Variants in EPB41L4A observed in about 807,000 individuals in gnomAD.
The protein encoded by EPB41L4A is band 4.1-like protein 4A.
In EPB41L4A, 100 loss-of-function variants were observed where a neutral mutation model predicts 108.6. The observed-to-expected ratio is 0.92, with a 90% confidence interval of 0.78 to 1.09. The LOEUF (loss-of-function observed/expected upper bound fraction) is 1.09, where lower values mean the gene tolerates loss of function less well. EPB41L4A is among the 50% of genes least tolerant of loss of function. EPB41L4A has a pLI of 0.00. For synonymous variants in EPB41L4A, 319 were observed against 289.0 expected (o/e 1.10, Z -1.05); for missense variants, 1,030 against 842.7 (o/e 1.22, Z -2.75).
intron 1 of EPB41L4A, among the ~76,000 whole-genome samples, chr5:112,313,663 A>C (rs1244452134): frequency 1.3e-5 from 2 of 152,150 alleles, no homozygotes; most frequent in Non-Finnish European, 1.5e-5. Flanking sequence ...TCTTGAAAAG[A>C]AAAGGCAACC....
rs1223262564 is a variant in EPB41L4A, at chr5:112,259,275, A to C, written c.749T>G (p.Val250Gly). 2 of 1,613,916 alleles carry C rather than the reference A, an allele frequency of 1.2e-6. No individual in the cohort carries two copies. ...GKYFWPRITK[V>G]HFKETQFELR... is the part of the protein sequence containing the mutation. ...TTCAAATTGAGTCTCCTTGAAGTGA[A>C]CCTTTGTAATCCGAGGCCTAAAAAA... The change falls in exon 9 of 23, where the codon GTT becomes GGT. Residue 250 changes from valine to glycine, a missense_variant. By Grantham distance (109) the Val-to-Gly change is moderately radical (BLOSUM62 -3). Coordinates refer to ENST00000261486, the MANE Select transcript of EPB41L4A (RefSeq NM_022140.5).
chr5:112,270,901 A>G (rs988395864), intron 4 of EPB41L4A, among the ~76,000 whole-genome samples: 1 of 152,218 alleles, frequency 6.6e-6, no homozygotes, highest in Non-Finnish European at 1.5e-5. Flanking sequence ...TGAGACTCTA[A>G]AAAATATTAT....
At chr5:112,185,765 A>G (rs80140163) in intron 17 of EPB41L4A, among the ~76,000 whole-genome samples, 2,302 of 152,282 alleles carry the variant, frequency 0.015, 46 homozygotes, top group African/African-American at 0.049. Context: ...ATGAGAAGGT[A>G]TACTACTTGA....
chr5:112,334,377 G>A (rs1756785551), intron 1 of EPB41L4A, among the ~76,000 whole-genome samples: 1 of 152,184 alleles, frequency 6.6e-6, no homozygotes, highest in Non-Finnish European at 1.5e-5. Context: ...TTCTGATCCT[G>A]AAGAGATTAG....
At chr5:112,268,035 T>A (rs958399151) in intron 4 of EPB41L4A, among the ~76,000 whole-genome samples, 3 of 152,148 alleles carry the variant, frequency 2.0e-5, no homozygotes, top group Non-Finnish European at 2.9e-5. Context: ...GTGCTCCTCT[T>A]GGAAAGGAGA....
chr5:112,166,945 A>C (rs562882940), intron 22 of EPB41L4A, among the ~76,000 whole-genome samples: 14 of 152,364 alleles, frequency 9.2e-5, no homozygotes, highest in Admixed American at 9.1e-4. Context: ...TGAATTCAAA[A>C]TCAAGAGTGT....
At chr5:112,361,079 G>C (rs1333000888) in intron 1 of EPB41L4A, among the ~76,000 whole-genome samples, 2 of 148,952 alleles carry the variant, frequency 1.3e-5, no homozygotes, top group Non-Finnish European at 2.9e-5. Context: ...CAAATAGAAA[G>C]GGGGGAAGTG....
intron 12 of EPB41L4A, among the ~76,000 whole-genome samples, chr5:112,151,940 C>T (rs918061097): frequency 6.6e-6 from 1 of 152,054 alleles, no homozygotes; most frequent in African/African-American, 2.4e-5. Flanking sequence ...CCATGTTGGC[C>T]AGGCTGGTCT....
chr5:112,269,751 C>T (rs554296386), intron 4 of EPB41L4A, among the ~76,000 whole-genome samples: 1 of 152,254 alleles, frequency 6.6e-6, no homozygotes, highest in South Asian at 2.1e-4. Flanking sequence ...GGGAAAAATG[C>T]TAACTAAAAA....
intron 11 of EPB41L4A, among the ~76,000 whole-genome samples, chr5:112,235,153 A>G (rs1749239604): frequency 6.6e-6 from 1 of 152,142 alleles, no homozygotes; most frequent in Admixed American, 6.5e-5. Context: ...CAGGTTGTAA[A>G]CCATCCCCCA....
intron 13 of EPB41L4A, among the ~76,000 whole-genome samples, chr5:112,208,871 TCTCTATC>T: frequency 6.6e-6 from 1 of 152,210 alleles, no homozygotes; most frequent in Non-Finnish European, 1.5e-5. Context: ...TGAAGCTGAA[TCTCTATC>T]CACAGCTTGA....
chr5:112,284,972 C>T lies in EPB41L4A; in HGVS notation c.205-4649G>A, dbSNP rs191653593. Among the ~76,000 whole-genome samples the T allele has an allele frequency of 3.3e-5, 5 of 152,300 alleles. No individual in the cohort carries two copies. In the East Asian group the frequency reaches 7.7e-4, roughly 24 times the overall value. On this transcript the variant is annotated intron_variant, in intron 2 of 22. Transcript: ENST00000261486. ...TTCTGAAACTCTAATAGTGCCCAGC[C>T]AATCAATATCCTAATCTTCAAAAGA... is the stretch of plus-strand genomic sequence containing the variant.
intron 1 of EPB41L4A, among the ~76,000 whole-genome samples, chr5:112,312,964 G>A (rs189570308): frequency 4.1e-4 from 63 of 152,252 alleles, no homozygotes; most frequent in Admixed American, 2.6e-4. Flanking sequence ...GTCCAGGAAG[G>A]GGCCAGTCCT....
At chr5:112,240,694 A>G in intron 10 of EPB41L4A, 25 bp downstream of exon 10, 1 of 1,369,326 alleles carries the variant, frequency 7.3e-7, no homozygotes, top group Non-Finnish European at 1.0e-6. Flanking sequence ...TTAAGACAAC[A>G]AACAAAATTT....
At position 112,164,725 on chromosome 5, in the gene EPB41L4A, C is replaced by G; in HGVS notation, c.*265G>C. 1 of 235,246 alleles carries G rather than the reference C, an allele frequency of 4.3e-6. No individual in the cohort carries two copies. The highest frequency in any genetic ancestry group is 1.5e-3 in the Middle Eastern group (1 of 662). 14.6% of individuals were successfully genotyped at this position (235,246 alleles called of 1,614,324 possible). ...TGGTGCACGCCTGTAATCCCAGCTG[C>G]TCGGGAGCCTGAGACAGGAGAATCG... On this transcript the variant is annotated 3_prime_UTR_variant, in exon 23 of 23. Coordinates refer to ENST00000261486, the MANE Select transcript of EPB41L4A (RefSeq NM_022140.5).
chr5:112,385,507 CAA>C (rs201988960), intron 1 of EPB41L4A, among the ~76,000 whole-genome samples: 7,938 of 75,508 alleles, frequency 0.11, 339 homozygotes, highest in African/African-American at 0.21. Flanking sequence ...TGGTTATTTT[CAA>C]AAAAAAAAAA....
chr5:112,208,818 T>G (rs890816479), intron 13 of EPB41L4A, among the ~76,000 whole-genome samples: 3 of 152,202 alleles, frequency 2.0e-5, no homozygotes, highest in Admixed American at 6.5e-5. Context: ...AAGATTCCTG[T>G]TCTTATGCTG....
chr5:112,412,936 C>G (rs1205292410), intron 1 of EPB41L4A, among the ~76,000 whole-genome samples: 1 of 152,152 alleles, frequency 6.6e-6, no homozygotes, highest in African/African-American at 2.4e-5. Context: ...TTCCAGTAAG[C>G]CTTAGAGCAG....
chr5:112,339,528 C>CTATA (rs1482030071), intron 1 of EPB41L4A, among the ~76,000 whole-genome samples: 3 of 25,466 alleles, frequency 1.2e-4, no homozygotes, highest in Admixed American at 6.4e-4. Context: ...AGATATATAT[C>CTATA]TATATATATA....
Sources: gnomAD v4.1 joint callset for allele counts (sites outside exome capture counted in the v4.1 genomes callset) on GRCh38, gnomAD v4.1.1 for gene constraint, MANE v1.5 for transcripts, NCBI Gene and HGNC (gene_info 2026-07-23, HGNC 2026-07-21) for gene names.